OTUD4: variants seen among roughly 807,000 people sequenced by gnomAD.
OTUD4 encodes OTU deubiquitinase 4.
Under a neutral mutation model 130.4 loss-of-function variants are expected in OTUD4, and 24 were observed. The observed-to-expected ratio is 0.18, with a 90% CI of 0.13 to 0.26. OTUD4 has a LOEUF of 0.26. OTUD4 is among the 10% of genes least tolerant of loss of function. The pLI is 1.00. For synonymous variants in OTUD4, 420 were observed against 472.5 expected, an observed-to-expected ratio of 0.89 and a Z score of 1.44; for missense variants, 1,031 against 1,329.4, an observed-to-expected ratio of 0.78 and a Z score of 3.49.
chr4:145,141,721 C>T, intron 18 of OTUD4, 82 bp from the exon 19 acceptor site: 1 of 1,251,532 alleles, frequency 8.0e-7, no homozygotes, highest in Non-Finnish European at 1.1e-6. Context: ...ATAAAGAATG[C>T]TGTATAACTG....
Position 145,141,472 on chromosome 4 carries a change from G to A in OTUD4, c.1990C>T (p.Pro664Ser), listed in dbSNP as rs752881863. ...LPQTLSLYQD[P>S]LYPGFPCNEK... Reference sequence around the variant, plus strand: ...TTACAAGGAAACCCAGGATAGAGTGGGTCTTGATAAAGGCTCAATGTCTGA... The same window carrying A: ...TTACAAGGAAACCCAGGATAGAGTGAGTCTTGATAAAGGCTCAATGTCTGA... Residue 664 changes from proline to serine, a missense_variant, in exon 19 of 21, where the codon CCA (proline) becomes TCA (serine). This residue lies in a region of OTUD4 where 900 missense variants were observed against 1,095.9 expected (regional missense o/e 0.82). Transcript: ENST00000447906. The A allele has an allele frequency of 6.2e-7, 1 of 1,613,042 alleles. No individual in the cohort carries two copies. Among genetic ancestry groups the A allele is most frequent in the Non-Finnish European group, 8.5e-7 (1 of 1,179,214 alleles).
chr4:145,140,546 T>G (rs1255676211), intron 19 of OTUD4, among the ~76,000 whole-genome samples: 2 of 152,114 alleles, frequency 1.3e-5, no homozygotes, highest in Admixed American at 6.5e-5. Context: ...TATAAAATTT[T>G]GGAAACTAAA....
chr4:145,170,604 G>T (rs1052708357), intron 3 of OTUD4, among the ~76,000 whole-genome samples: 3 of 152,160 alleles, frequency 2.0e-5, no homozygotes, highest in South Asian at 2.1e-4. Context: ...CTATGATAGG[G>T]AAACTTTTTT....
intron 17 of OTUD4, among the ~76,000 whole-genome samples, chr4:145,142,774 T>A (rs1750624585): frequency 6.6e-6 from 1 of 152,224 alleles, no homozygotes; most frequent in African/African-American, 2.4e-5. Context: ...TTAGAAAAAC[T>A]CCTCATGTAA....
chr4:145,155,356 T>C, intron 10 of OTUD4, 55 bp downstream of exon 10: 3 of 1,432,246 alleles, frequency 2.1e-6, no homozygotes, highest in Non-Finnish European at 2.9e-6. Flanking sequence ...CTGTTTGTAT[T>C]AGAAAAAGCA....
chr4:145,161,891 T>C (rs1345277029), intron 6 of OTUD4, among the ~76,000 whole-genome samples: 1 of 152,284 alleles, frequency 6.6e-6, no homozygotes, highest in Admixed American at 6.5e-5. Flanking sequence ...ATTACCAAAA[T>C]GATTGCAGGA....
chr4:145,137,339 A>C lies in OTUD4; in HGVS notation c.*91T>G. On this transcript the variant is annotated 3_prime_UTR_variant, in exon 21 of 21. Transcript: ENST00000447906. The stretch of plus-strand genomic sequence containing the variant: ...GGGCTGGGGAGAGGAAAGAGTTCCA[A>C]CTGCGGTTTTTACTTTATTGTATTT... The C allele has an allele frequency of 1.8e-6, 2 of 1,082,396 alleles. No homozygotes were observed. Among genetic ancestry groups the C allele is most frequent in the South Asian group, 3.1e-5 (2 of 65,372 alleles). 67.0% of individuals were successfully genotyped at this position (1,082,396 alleles called of 1,614,324 possible). A position where few individuals can be genotyped will look rare whatever the true frequency, so the allele number is the denominator to read the frequency against.
intron 3 of OTUD4, among the ~76,000 whole-genome samples, chr4:145,166,465 A>T (rs1361263629): frequency 6.6e-6 from 1 of 152,182 alleles, no homozygotes; most frequent in Admixed American, 6.5e-5. Flanking sequence ...GTGTATGTAA[A>T]ATAATGATGT....
intron 2 of OTUD4, among the ~76,000 whole-genome samples, chr4:145,173,582 C>T (rs1380844574): frequency 6.6e-6 from 1 of 152,102 alleles, no homozygotes; most frequent in African/African-American, 2.4e-5. Flanking sequence ...TCTACCACAC[C>T]TCTGCACTCT....
rs776073054 is a variant in OTUD4 at position 145,174,736 on chromosome 4, G to C, written c.168C>G (p.His56Gln). 2 of 1,596,248 alleles carry C rather than the reference G, an allele frequency of 1.3e-6. No homozygotes were observed. The highest frequency in any genetic ancestry group is 1.7e-6 in the Non-Finnish European group (2 of 1,163,836). The change falls in exon 2 of 21, where the codon CAC becomes CAG. Residue 56 changes from histidine to glutamine, a missense_variant. By Grantham distance (24) the His-to-Gln change is conservative. This residue lies in a region of OTUD4 where 77 missense variants were observed against 172.9 expected (regional missense o/e 0.45). Transcript: ENST00000447906. ...LFRAVAEQVL[H>Q]SQSRHVEVRM... ...TGACTTCAACATGGCGAGACTGAGA[G>C]TGCAATACCTAAAAAGAAAAGGCAA...
chr4:145,156,598 G>A (rs1022442125), intron 7 of OTUD4, among the ~76,000 whole-genome samples: 6 of 151,764 alleles, frequency 4.0e-5, no homozygotes, highest in African/African-American at 9.7e-5. Context: ...CAGGAGAATC[G>A]CTTGAACCCG....
chr4:145,144,215 A>C (rs1250965581), intron 15 of OTUD4, 96 bp downstream of exon 15: 1 of 1,353,724 alleles, frequency 7.4e-7, no homozygotes, highest in Non-Finnish European at 1.0e-6. Context: ...TAAACTACTT[A>C]ACAACTTAAA....
At chr4:145,148,982 T>C (rs1342177457) in intron 13 of OTUD4, among the ~76,000 whole-genome samples, 1 of 152,142 alleles carries the variant, frequency 6.6e-6, no homozygotes, top group African/African-American at 2.4e-5. Context: ...ATATAACGGA[T>C]TAGAATCATT....
At chr4:145,159,299 C>T in intron 7 of OTUD4, 1 of 1,368,918 alleles carries the variant, frequency 7.3e-7, no homozygotes, top group Admixed American at 3.5e-5. Context: ...CCAAAAACAC[C>T]AACTTTCAAA....
rs959718631 is a variant in OTUD4 at position 145,134,062 on chromosome 4, A to C, written c.*3368T>G. ...CCCAAAGTTGCCGCTTCCCAGCATT[A>C]AGACATGCACCCACCCCTCTTCTAA... On this transcript the variant is annotated 3_prime_UTR_variant, in exon 21 of 21. Coordinates refer to ENST00000447906, the MANE Select transcript of OTUD4 (RefSeq NM_001366057.1). The C allele has an allele frequency of 6.6e-6, 1 of 152,632 alleles. No individual in the cohort carries two copies. The highest frequency in any genetic ancestry group is 1.5e-5 in the Non-Finnish European group (1 of 68,046). The allele number at this position is 152,632 out of a possible 1,614,324, so 9.5% of individuals were successfully genotyped here.
At position 145,146,461 on chromosome 4, in the gene OTUD4, C is replaced by CATAAATAAATAAATAAATAA. The variant is rs55722437; in HGVS notation, c.1260-52_1260-33dup. The CATAAATAAATAAATAAATAA allele has an allele frequency of 3.6e-4, 344 of 948,260 alleles. 1 individual carries two copies. In the African/African-American group the frequency reaches 5.9e-3, roughly 16 times the overall value. 58.7% of individuals were successfully genotyped at this position (948,260 alleles called of 1,614,324 possible). On this transcript the variant is annotated intron_variant, in intron 13 of 20. Coordinates refer to ENST00000447906, the MANE Select transcript of OTUD4 (RefSeq NM_001366057.1). ...AATAAAACATTCTTGTCAGAAAATA[C>CATAAATAAATAAATAAATAA]ATAAATAAATAAATAAATAAATAAA...
chr4:145,167,719 G>A (rs769721875), intron 3 of OTUD4, among the ~76,000 whole-genome samples: 2 of 152,028 alleles, frequency 1.3e-5, no homozygotes, highest in Non-Finnish European at 1.5e-5. Context: ...TTGGCCAGGC[G>A]TGGTGGTGGG....
chr4:145,162,684 A>G lies in OTUD4; in HGVS notation c.452T>C (p.Ile151Thr). ...LCFSNGNHYD[I>T]VYPIKYKESS... ...TTCTTTATACTTTATGGGATACACA[A>G]TATCATAATGATTTCCATTTGAAAA... The change falls in exon 6 of 21, where the codon ATT becomes ACT. Residue 151 changes from isoleucine (I) to threonine (T), a missense_variant. Physicochemically the swap from Ile to Thr is moderately conservative, Grantham distance 89. This residue lies in a region of OTUD4 where 77 missense variants were observed against 172.9 expected (regional missense o/e 0.45). Coordinates refer to ENST00000447906, the MANE Select transcript of OTUD4 (RefSeq NM_001366057.1). 2 of 1,567,206 alleles carry G rather than the reference A, an allele frequency of 1.3e-6. No individual in the cohort carries two copies. Among genetic ancestry groups the G allele is most frequent in the East Asian group, 2.3e-5 (1 of 43,380 alleles).
chr4:145,149,909 A>C (rs560183843), intron 13 of OTUD4, among the ~76,000 whole-genome samples: 39 of 152,304 alleles, frequency 2.6e-4, no homozygotes, highest in Middle Eastern at 3.4e-3. Flanking sequence ...AGCTCTTCCA[A>C]AGGGCTATAA....
Sources: gnomAD v4.1 joint callset for allele counts (sites outside exome capture counted in the v4.1 genomes callset) on GRCh38, gnomAD v4.1.1 for gene constraint, gnomAD v4.1.1 regional missense constraint, MANE v1.5 for transcripts, NCBI Gene and HGNC (gene_info 2026-07-23, HGNC 2026-07-21) for gene names.